SLC4A4: variants seen among roughly 807,000 people sequenced by gnomAD.
SLC4A4 encodes the protein solute carrier family 4 member 4, also known as electrogenic sodium bicarbonate cotransporter 1.
SLC4A4 carries 27 observed loss-of-function variants against 111.5 expected under a neutral mutation model. The ratio of observed to expected loss-of-function variants is 0.24; its 90% CI spans 0.18 to 0.33. The LOEUF (loss-of-function observed/expected upper bound fraction) is 0.33. Ranked by LOEUF, SLC4A4 falls within the 10% of genes least tolerant of loss-of-function variation. The pLI, the probability that SLC4A4 is intolerant of heterozygous loss-of-function variation, is 1.00. For missense variants in SLC4A4, 909 were observed against 1,315.5 expected (o/e 0.69, Z 4.78); for synonymous variants, 443 against 463.4 (o/e 0.96, Z 0.57).
At chr4:71,285,054 G>C (rs866517461) in intron 3 of SLC4A4, among the ~76,000 whole-genome samples, 6 of 152,308 alleles carry the variant, frequency 3.9e-5, no homozygotes, top group Non-Finnish European at 5.9e-5. Context: ...TGCAGCTCTT[G>C]AAGAGCTGGG....
At chr4:71,423,572 A>G (rs1412298865) in intron 7 of SLC4A4, among the ~76,000 whole-genome samples, 4 of 152,056 alleles carry the variant, frequency 2.6e-5, no homozygotes, top group Non-Finnish European at 4.4e-5. Flanking sequence ...GAGGCATCAC[A>G]CTACCTGACT....
At chr4:71,114,694 T>C (rs1743198211) in intron 2 of SLC4A4, among the ~76,000 whole-genome samples, 1 of 147,658 alleles carries the variant, frequency 6.8e-6, no homozygotes. Context: ...CAACAGGTGC[T>C]GGAGAGGATG....
chr4:71,414,077 A>G (rs1721628948), intron 7 of SLC4A4, among the ~76,000 whole-genome samples: 1 of 152,244 alleles, frequency 6.6e-6, no homozygotes, highest in Admixed American at 6.5e-5. Context: ...TCAAGGATCC[A>G]TTTGAGCTTA....
At chr4:71,517,777 A>G (rs1283552957) in intron 16 of SLC4A4, among the ~76,000 whole-genome samples, 1 of 152,180 alleles carries the variant, frequency 6.6e-6, no homozygotes, top group African/African-American at 2.4e-5. Flanking sequence ...TTTTTCACCA[A>G]TCAGCCTGTC....
At chr4:71,272,496 A>G (rs960302304) in intron 3 of SLC4A4, among the ~76,000 whole-genome samples, 2 of 152,178 alleles carry the variant, frequency 1.3e-5, no homozygotes, top group Non-Finnish European at 2.9e-5. Context: ...CCATTGTACT[A>G]GAGGGCGTCA....
intron 2 of SLC4A4, among the ~76,000 whole-genome samples, chr4:71,158,976 G>T (rs577938972): frequency 6.6e-6 from 1 of 152,082 alleles, no homozygotes; most frequent in Non-Finnish European, 1.5e-5. Flanking sequence ...GGTGGATTTC[G>T]CAGTACTTCA....
At chr4:71,396,192 G>C (rs780473616) in intron 6 of SLC4A4, among the ~76,000 whole-genome samples, 1 of 152,152 alleles carries the variant, frequency 6.6e-6, no homozygotes, top group Admixed American at 6.6e-5. Flanking sequence ...TTTGAATAAT[G>C]CTCTGTGCTT....
At chr4:71,388,610 C>T (rs1718980843) in intron 6 of SLC4A4, among the ~76,000 whole-genome samples, 1 of 152,040 alleles carries the variant, frequency 6.6e-6, no homozygotes, top group South Asian at 2.1e-4. Context: ...GTGATGTGAC[C>T]ATAGCCAACT....
At chr4:71,186,623 C>T (rs1400908212), upstream of SLC4A4, 3 of 151,590 alleles carry the variant, frequency 2.0e-5, no homozygotes, top group Admixed American at 1.3e-4. Context: ...AGGCCCCTCC[C>T]CGCCGCCGAT....
chr4:71,501,559 T>G (rs1265576023), intron 16 of SLC4A4, among the ~76,000 whole-genome samples: 1 of 151,496 alleles, frequency 6.6e-6, no homozygotes. Context: ...CTGAATTTAT[T>G]TATTTCAGTC....
chr4:71,153,967 T>C (rs1744390584), intron 2 of SLC4A4, among the ~76,000 whole-genome samples: 1 of 152,150 alleles, frequency 6.6e-6, no homozygotes, highest in South Asian at 2.1e-4. Context: ...GATGAGGCAG[T>C]GAGGTGAACA....
chr4:71,547,069 T>A (rs1169754095), intron 19 of SLC4A4, among the ~76,000 whole-genome samples: 1 of 152,004 alleles, frequency 6.6e-6, no homozygotes, highest in Non-Finnish European at 1.5e-5. Flanking sequence ...AGAGCTCACA[T>A]GACAGAGCCA....
At chr4:71,521,249 T>A (rs1732904230) in intron 16 of SLC4A4, among the ~76,000 whole-genome samples, 1 of 152,130 alleles carries the variant, frequency 6.6e-6, no homozygotes. Flanking sequence ...TTTTTTTAAA[T>A]GAGATGAGGT....
chr4:71,548,277 TAGAA>T (rs1234906560), intron 20 of SLC4A4, among the ~76,000 whole-genome samples: 1 of 151,922 alleles, frequency 6.6e-6, no homozygotes, highest in Non-Finnish European at 1.5e-5. Context: ...GACTCATAAT[TAGAA>T]AGCTTTAGAA....
intron 2 of SLC4A4, among the ~76,000 whole-genome samples, chr4:71,247,565 C>T (rs748183969): frequency 2.6e-5 from 4 of 152,102 alleles, no homozygotes; most frequent in Non-Finnish European, 5.9e-5. Flanking sequence ...TTATGTGTCT[C>T]TCTAAGCTGC....
intron 7 of SLC4A4, among the ~76,000 whole-genome samples, chr4:71,426,827 G>T (rs1723186328): frequency 6.6e-6 from 1 of 152,104 alleles, no homozygotes; most frequent in Admixed American, 6.6e-5. Flanking sequence ...CTTGGGTGTG[G>T]TGTGTACATT....
chr4:71,322,258 C>T (rs1177807672), intron 3 of SLC4A4, among the ~76,000 whole-genome samples: 2 of 151,938 alleles, frequency 1.3e-5, no homozygotes, highest in African/African-American at 2.4e-5. Context: ...GTATTGCTAT[C>T]CAGGTAATAT....
intron 2 of SLC4A4, among the ~76,000 whole-genome samples, chr4:71,152,165 T>C (rs533253933): frequency 4.6e-5 from 7 of 152,302 alleles, no homozygotes; most frequent in African/African-American, 1.7e-4. Flanking sequence ...AGAAGACTAC[T>C]CCTACATTAC....
At chr4:71,079,234 C>A (rs186385823) in intron 1 of SLC4A4, among the ~76,000 whole-genome samples, 96 of 152,216 alleles carry the variant, frequency 6.3e-4, no homozygotes, top group Admixed American at 2.6e-3. Flanking sequence ...CCATGAGACA[C>A]CTCCTAGGAA....
Sources: gnomAD v4.1 joint callset for allele counts (sites outside exome capture counted in the v4.1 genomes callset) on GRCh38, gnomAD v4.1.1 for gene constraint, MANE v1.5 for transcripts, NCBI Gene and HGNC (gene_info 2026-07-23, HGNC 2026-07-21) for gene names.